CCDC12: variants seen among roughly 807,000 people sequenced by gnomAD.
The protein encoded by CCDC12 is coiled-coil domain containing 12.
Under a neutral mutation model 25.7 loss-of-function variants are expected in CCDC12, and 28 were observed. That is an observed-to-expected ratio of 1.09 (90% CI 0.81 to 1.50). The LOEUF (loss-of-function observed/expected upper bound fraction) is 1.50, where lower values mean the gene tolerates loss of function less well. Among genes scored for constraint, CCDC12 ranks in the 40% most tolerant of loss-of-function variants. The pLI is 0.00. For missense variants in CCDC12, 198 were observed against 210.0 expected (o/e 0.94, Z 0.35); for synonymous variants, 75 against 87.7 (o/e 0.86, Z 0.81).
chr3:46,963,072 C>G (rs1365483892), intron 1 of CCDC12, among the ~76,000 whole-genome samples: 1 of 152,206 alleles, frequency 6.6e-6, no homozygotes, highest in African/African-American at 2.4e-5. Flanking sequence ...AGGCCAGATA[C>G]AGAAAACTAC....
rs193095476 is a variant in CCDC12 at position 46,973,709 on chromosome 3, T to C, written c.96+2928A>G. On this transcript the variant is annotated intron_variant, in intron 1 of 6. Coordinates refer to ENST00000683445, the MANE Select transcript of CCDC12 (RefSeq NM_001277074.2). ...CTCACTGCAAGCTCCGCCTCCCAGG[T>C]TCACGTCATTCTCCTGCCTCAGCCT... Among the ~76,000 whole-genome samples the C allele has an allele frequency of 1.2e-4, 18 of 149,422 alleles. No homozygotes were observed. In the East Asian group the frequency reaches 3.7e-3, roughly 30 times the overall value.
chr3:46,978,950 T>C (rs1252850489), upstream of CCDC12, among the ~76,000 whole-genome samples: 1 of 152,056 alleles, frequency 6.6e-6, no homozygotes, highest in African/African-American at 2.4e-5. Flanking sequence ...GTCACTGCAC[T>C]CCAGCCTGGG....
At chr3:46,930,031 C>CAAAAAA (rs145507739) in intron 2 of CCDC12, among the ~76,000 whole-genome samples, 1 of 39,874 alleles carries the variant, frequency 2.5e-5, no homozygotes, top group African/African-American at 1.3e-4. Context: ...GACCCCATCT[C>CAAAAAA]AAAAAAAAAA....
In CCDC12 at chr3:46,922,159, G is replaced by GA; in HGVS notation, c.419-21dup. On this transcript the variant is annotated intron_variant, in intron 6 of 6. Transcript: ENST00000683445. ...TTTCACCTGGGATGGATGGCAGACA[G>GA]AAGGGGTGGGGAGGGGCCCGGTGCT... 1 of 1,614,262 alleles carries GA rather than the reference G, an allele frequency of 6.2e-7. No individual in the cohort carries two copies. The highest frequency in any genetic ancestry group is 1.7e-5 in the Admixed American group (1 of 60,038).
chr3:46,951,088 T>C (rs116218461), intron 1 of CCDC12, among the ~76,000 whole-genome samples: 5,839 of 152,140 alleles, frequency 0.038, 153 homozygotes, highest in Middle Eastern at 0.071. Context: ...GAGCTGTAAC[T>C]GAACTACTGC....
upstream of CCDC12, among the ~76,000 whole-genome samples, chr3:46,979,071 T>C (rs561682356): frequency 6.6e-6 from 1 of 152,182 alleles, no homozygotes; most frequent in South Asian, 2.1e-4. Context: ...GCCCTGGAGT[T>C]GGGGAATGGG....
chr3:46,960,145 G>A (rs2034419460), intron 1 of CCDC12, among the ~76,000 whole-genome samples: 1 of 152,136 alleles, frequency 6.6e-6, no homozygotes, highest in South Asian at 2.1e-4. Flanking sequence ...GGGGTACACA[G>A]ATCAGCCTTC....
At chr3:46,927,637 C>T (rs529714689) in intron 2 of CCDC12, among the ~76,000 whole-genome samples, 2 of 152,314 alleles carry the variant, frequency 1.3e-5, no homozygotes, top group South Asian at 4.1e-4. Context: ...CAGCCAAGAA[C>T]ATCTAGATCC....
At chr3:46,926,576 C>CCA (rs1462766191) in intron 2 of CCDC12, among the ~76,000 whole-genome samples, 2 of 152,048 alleles carry the variant, frequency 1.3e-5, no homozygotes, top group African/African-American at 4.8e-5. Flanking sequence ...AATCCTAGCC[C>CCA]CACACACACA....
rs1213125309 is a variant in CCDC12 at position 46,935,506 on chromosome 3, TA to T, written c.164+5491del. On this transcript the variant is annotated intron_variant, in intron 2 of 6. Transcript: ENST00000683445. ...CAGGAAGAAGTGACGGAGAGCTTTT[TA>T]AAAAAAAAAAAAGCAGCTAAGCAGC... Among the ~76,000 whole-genome samples, 1,419 of 143,218 alleles carry T rather than the reference TA, an allele frequency of 9.9e-3. 15 individuals are homozygous for T. The highest frequency in any genetic ancestry group is 0.03 in the African/African-American group (1,192 of 39,148). 94.0% of individuals were successfully genotyped at this position (143,218 alleles called of 152,430 possible).
At chr3:46,964,466 T>TG in intron 1 of CCDC12, among the ~76,000 whole-genome samples, 1 of 152,192 alleles carries the variant, frequency 6.6e-6, no homozygotes, top group East Asian at 1.9e-4. Context: ...AACAGCTCAT[T>TG]GAGAACGGGC....
chr3:46,976,817 A>C, upstream of CCDC12: 1 of 1,540,254 alleles, frequency 6.5e-7, no homozygotes, highest in Non-Finnish European at 8.8e-7. Flanking sequence ...GGCCAATCCA[A>C]GGACGAGAAT....
At chr3:46,959,185 C>CTACA (rs770155342) in intron 1 of CCDC12, among the ~76,000 whole-genome samples, 4 of 131,378 alleles carry the variant, frequency 3.0e-5, no homozygotes, top group Non-Finnish European at 6.5e-5. Context: ...TTATCCCCAC[C>CTACA]TACACACACT....
In CCDC12 at chr3:46,921,828, A is replaced by G; in HGVS notation, c.*229T>C. 1.7e-6 allele frequency: 1 copy of G among 592,730 alleles called. No individual in the cohort carries two copies. Among genetic ancestry groups the G allele is most frequent in the Non-Finnish European group, 3.0e-6 (1 of 331,986 alleles). 36.7% of individuals were successfully genotyped at this position (592,730 alleles called of 1,614,324 possible). A position where few individuals can be genotyped will look rare whatever the true frequency, so the allele number is the denominator to read the frequency against. On this transcript the variant is annotated 3_prime_UTR_variant, in exon 7 of 7. Coordinates refer to ENST00000683445, the MANE Select transcript of CCDC12 (RefSeq NM_001277074.2). Reference sequence around the variant, plus strand: ...CAGACATATGTACATCCACATGTGCAGACACAGGCACGCCCAGAGTTGTTG... The same window carrying G: ...CAGACATATGTACATCCACATGTGCGGACACAGGCACGCCCAGAGTTGTTG...
chr3:46,971,948 C>T (rs1297064180), intron 1 of CCDC12, among the ~76,000 whole-genome samples: 1 of 152,114 alleles, frequency 6.6e-6, no homozygotes, highest in Non-Finnish European at 1.5e-5. Context: ...AGCAGGCAGT[C>T]ATACTTCCTC....
At chr3:46,960,684 A>T (rs906253731) in intron 1 of CCDC12, among the ~76,000 whole-genome samples, 2 of 152,170 alleles carry the variant, frequency 1.3e-5, no homozygotes, top group African/African-American at 4.8e-5. Context: ...AAAACCAGGG[A>T]GAAGCCAGGG....
At chr3:46,980,104 T>C (rs1338560903), upstream of CCDC12, among the ~76,000 whole-genome samples, 1 of 152,078 alleles carries the variant, frequency 6.6e-6, no homozygotes, top group African/African-American at 2.4e-5. Flanking sequence ...CTCTGGCACT[T>C]ATGCCTTGGG....
At chr3:46,940,867 G>A (rs1436252811) in intron 2 of CCDC12, 131 bp downstream of exon 2, 5 of 856,174 alleles carry the variant, frequency 5.8e-6, no homozygotes, top group Non-Finnish European at 7.9e-6. Context: ...GTCTGAACAG[G>A]ACAGCCATGG....
chr3:46,946,855 A>G (rs1261750028), intron 1 of CCDC12, among the ~76,000 whole-genome samples: 2 of 152,158 alleles, frequency 1.3e-5, no homozygotes, highest in Non-Finnish European at 2.9e-5. Context: ...GGGGATGAGG[A>G]ATAAGCCCCT....
Sources: allele counts gnomAD v4.1 joint callset (sites outside exome capture counted in the v4.1 genomes callset), GRCh38; gene constraint gnomAD v4.1.1; transcripts MANE v1.5; gene names NCBI Gene and HGNC (gene_info 2026-07-23, HGNC 2026-07-21).